SLC16A14: variants seen among roughly 807,000 people sequenced by gnomAD.
SLC16A14 encodes the protein solute carrier family 16 member 14.
A neutral mutation model predicts 35.8 loss-of-function variants in SLC16A14; 14 were observed. The observed-to-expected ratio is 0.39, with a 90% CI of 0.26 to 0.61. The LOEUF is 0.61. Ranked by LOEUF, SLC16A14 falls within the 20% of genes least tolerant of loss-of-function variation. The pLI is 0.51. For missense variants in SLC16A14, 533 were observed against 655.0 expected, an observed-to-expected ratio of 0.81 and a Z score of 2.03; for synonymous variants, 248 against 258.9, an observed-to-expected ratio of 0.96 and a Z score of 0.40.
intron 4 of SLC16A14, among the ~76,000 whole-genome samples, chr2:230,044,374 A>G (rs1577385144): frequency 6.6e-6 from 1 of 151,414 alleles, no homozygotes; most frequent in African/African-American, 2.4e-5. Flanking sequence ...GCTACTCAGG[A>G]GGCTGAGGCA....
intron 1 of SLC16A14, among the ~76,000 whole-genome samples, chr2:230,064,310 GTGTA>G (rs749516960): frequency 5.2e-4 from 78 of 150,390 alleles, no homozygotes; most frequent in African/African-American, 1.5e-3. Context: ...GTGTGTGTGT[GTGTA>G]TGTGTGTGTG....
chr2:230,061,401 G>A (rs2077750903), intron 1 of SLC16A14, among the ~76,000 whole-genome samples: 3 of 152,320 alleles, frequency 2.0e-5, no homozygotes, highest in Middle Eastern at 6.8e-3. Context: ...CACATGTGTA[G>A]TCCCAGCTAC....
intron 4 of SLC16A14, among the ~76,000 whole-genome samples, chr2:230,044,725 T>C (rs921754602): frequency 3.0e-5 from 3 of 100,816 alleles, no homozygotes; most frequent in Admixed American, 1.1e-4. Flanking sequence ...TGTGTGTGTG[T>C]GTGTGTGTGT....
chr2:230,044,807 G>C (rs1045127923), intron 4 of SLC16A14, among the ~76,000 whole-genome samples: 11 of 151,188 alleles, frequency 7.3e-5, no homozygotes, highest in South Asian at 6.3e-4. Flanking sequence ...TTGAACTCCT[G>C]AGCTCAAGTG....
At chr2:230,056,879 T>TAAAAAA (rs60620443) in intron 2 of SLC16A14, among the ~76,000 whole-genome samples, 3 of 95,546 alleles carry the variant, frequency 3.1e-5, no homozygotes, top group African/African-American at 3.8e-5. Context: ...CTACAAAAAG[T>TAAAAAA]AAAAAAAAAA....
chr2:230,037,298 G>A lies in SLC16A14; in HGVS notation c.*82C>T, dbSNP rs1307745418. The A allele has an allele frequency of 1.9e-5, 25 of 1,347,232 alleles. No individual in the cohort carries two copies. Among genetic ancestry groups the A allele is most frequent in the East Asian group, 1.7e-4 (7 of 40,032 alleles). 83.5% of individuals were successfully genotyped at this position (1,347,232 alleles called of 1,614,324 possible). A position where few individuals can be genotyped will look rare whatever the true frequency, so the allele number is the denominator to read the frequency against. On this transcript the variant is annotated 3_prime_UTR_variant, in exon 5 of 5. Transcript: ENST00000295190. ...GTTACCGTACAAAATGCTTTCCCAC[G>A]TCCTGTCATAGGTGCCTCACAGCAA...
chr2:230,048,678 C>G (rs893225913), intron 3 of SLC16A14, among the ~76,000 whole-genome samples: 9 of 152,024 alleles, frequency 5.9e-5, no homozygotes, highest in Admixed American at 1.3e-4. Flanking sequence ...AATCCCAGCA[C>G]TTTGGGAGGC....
chr2:230,044,221 C>G (rs1040041331), intron 4 of SLC16A14, among the ~76,000 whole-genome samples: 1 of 151,332 alleles, frequency 6.6e-6, no homozygotes, highest in African/African-American at 2.4e-5. Flanking sequence ...TGCCTGTAAT[C>G]CCAGCACTTT....
chr2:230,037,509 TTGC>T lies in SLC16A14; in HGVS notation c.1401_1403del (p.Gln468del). The T allele has an allele frequency of 6.2e-7, 1 of 1,610,332 alleles. No individual in the cohort carries two copies. The highest frequency in any genetic ancestry group is 8.5e-7 in the Non-Finnish European group (1 of 1,179,088). ...ATATGTAGAAGGAAAAATCATATTT[TTGC>T]GTGATGTCATAGATCCACCCTACAA... is the stretch of plus-strand genomic sequence containing the variant. On this transcript the variant is annotated inframe_deletion, in exon 5 of 5. Coordinates refer to ENST00000295190, the MANE Select transcript of SLC16A14 (RefSeq NM_152527.5).
chr2:230,066,664 TGGCTTTGTCGCCCA>T (rs1255375020), intron 1 of SLC16A14: 2 of 430,090 alleles, frequency 4.7e-6, no homozygotes, highest in Non-Finnish European at 9.1e-6. Context: ...TGACAGAGTA[TGGCTTTGTCGCCCA>T]GGCTGGAGTG....
At chr2:230,064,288 CTGTG>C (rs370970241) in intron 1 of SLC16A14, among the ~76,000 whole-genome samples, 84 of 149,686 alleles carry the variant, frequency 5.6e-4, no homozygotes, top group Middle Eastern at 3.4e-3. Flanking sequence ...TCAGCCTTGT[CTGTG>C]TGTGTGTGTG....
rs1415840550 is a variant in SLC16A14 at position 230,037,058 on chromosome 2, GC to G, written c.*321del. ...TTATTCCCTGTTTTTGTTTTTAAAA[GC>G]TGTATTTAAAACCCTAGTCCCAGTA... On this transcript the variant is annotated 3_prime_UTR_variant, in exon 5 of 5. Coordinates refer to ENST00000295190, the MANE Select transcript of SLC16A14 (RefSeq NM_152527.5). 6 of 168,784 alleles carry G rather than the reference GC, an allele frequency of 3.6e-5. No individual in the cohort carries two copies. Among genetic ancestry groups the G allele is most frequent in the Non-Finnish European group, 7.6e-5 (6 of 79,234 alleles). The allele number at this position is 168,784 out of a possible 1,614,324, so 10.5% of individuals were successfully genotyped here. A position where few individuals can be genotyped will look rare whatever the true frequency, so the allele number is the denominator to read the frequency against.
intron 4 of SLC16A14, among the ~76,000 whole-genome samples, chr2:230,043,396 G>A (rs748691191): frequency 4.6e-5 from 7 of 152,354 alleles, no homozygotes; most frequent in African/African-American, 1.4e-4. Flanking sequence ...CCAGTGGGGG[G>A]TCTTAAGGGA....
intron 3 of SLC16A14, among the ~76,000 whole-genome samples, chr2:230,047,919 A>G (rs559712933): frequency 4.8e-4 from 73 of 152,364 alleles, no homozygotes; most frequent in South Asian, 8.3e-4. Context: ...AACTGTTATC[A>G]GGTCCTTCAA....
chr2:230,066,787 A>G, intron 1 of SLC16A14: 1 of 327,600 alleles, frequency 3.1e-6, no homozygotes, highest in Non-Finnish European at 5.9e-6. Context: ...GGTGTGTGCC[A>G]CTGCATCTTT....
Position 230,045,738 on chromosome 2 carries a change from A to G in SLC16A14, c.1381+7T>C. ...ACTCTGAGCTCTTAAAACCTCAGAG[A>G]GTTTACCTGCAAAAGGTGGTCCCAG... is the stretch of plus-strand genomic sequence containing the variant. On this transcript the variant is annotated splice_region_variant and intron_variant, in intron 4 of 4. Transcript: ENST00000295190. 2 of 1,614,206 alleles carry G rather than the reference A, an allele frequency of 1.2e-6. No individual in the cohort carries two copies. Among genetic ancestry groups the G allele is most frequent in the South Asian group, 2.2e-5 (2 of 91,084 alleles).
intron 2 of SLC16A14, among the ~76,000 whole-genome samples, chr2:230,056,828 C>T (rs1315301651): frequency 6.8e-6 from 1 of 146,674 alleles, no homozygotes; most frequent in African/African-American, 2.5e-5. Flanking sequence ...TACGATTGTG[C>T]TACTGCACTC....
chr2:230,058,220 T>G (rs954280775), intron 2 of SLC16A14: 1 of 96,410 alleles, frequency 1.0e-5, no homozygotes, highest in Admixed American at 9.4e-5. Context: ...AATGACAGTT[T>G]TTTTTTTTTT....
rs1365859452 is a variant in SLC16A14, at chr2:230,037,122, CA to C, written c.*257del. 4.0e-6 allele frequency: 1 copy of C among 247,508 alleles called. No homozygotes were observed. Among genetic ancestry groups the C allele is most frequent in the Admixed American group, 5.5e-5 (1 of 18,322 alleles). The allele number at this position is 247,508 out of a possible 1,614,324, so 15.3% of individuals were successfully genotyped here. On this transcript the variant is annotated 3_prime_UTR_variant, in exon 5 of 5. Coordinates refer to ENST00000295190, the MANE Select transcript of SLC16A14 (RefSeq NM_152527.5). ...ATGGTTTTTATAAGGGCATTTCTAC[CA>C]ATTACTTACTAGGCTGTCTTTGAAC...
Sources: allele counts gnomAD v4.1 joint callset (sites outside exome capture counted in the v4.1 genomes callset), GRCh38; gene constraint gnomAD v4.1.1; transcripts MANE v1.5; gene names NCBI Gene and HGNC (gene_info 2026-07-23, HGNC 2026-07-21).